The following PREPL variants were observed in gnomAD, a reference collection of about 807,000 sequenced individuals.
The protein encoded by PREPL is prolyl endopeptidase like, also known as prolyl endopeptidase-like.
A neutral mutation model predicts 70.6 loss-of-function variants in PREPL; 77 were observed. That is an observed-to-expected ratio of 1.09 (90% CI 0.91 to 1.32). The LOEUF (loss-of-function observed/expected upper bound fraction) is 1.32, where lower values mean the gene tolerates loss of function less well. Among genes scored for constraint, PREPL ranks in the 40% most tolerant of loss-of-function variants. PREPL has a pLI of 0.00. For synonymous variants in PREPL, 315 were observed against 264.8 expected (o/e 1.19, Z -1.84); for missense variants, 1,002 against 778.2 (o/e 1.29, Z -3.42).
At chr2:44,335,225 C>A (rs75783021) in intron 7 of PREPL, among the ~76,000 whole-genome samples, 7,884 of 152,078 alleles carry the variant, frequency 0.052, 261 homozygotes, top group South Asian at 0.14. Context: ...GAATTTAAAA[C>A]CATGGAAACT....
intron 9 of PREPL, among the ~76,000 whole-genome samples, chr2:44,328,386 G>A (rs1256438312): frequency 2.2e-5 from 3 of 135,006 alleles, no homozygotes; most frequent in East Asian, 2.2e-4. Flanking sequence ...GCAGTGAGCC[G>A]AGATTGTGCC....
intron 8 of PREPL, among the ~76,000 whole-genome samples, chr2:44,331,798 A>T (rs1170396924): frequency 6.6e-6 from 1 of 152,196 alleles, no homozygotes; most frequent in East Asian, 1.9e-4. Flanking sequence ...CAGGGACTGT[A>T]TCAGTCTAGT....
Position 44,326,813 on chromosome 2 carries a change from G to A in PREPL, c.1378C>T (p.Gln460Ter). Residue 460 changes from glutamine to a stop codon, truncating the protein, a stop_gained, in exon 10 of 14, where the codon CAG becomes TAG. Transcript: ENST00000409411. LOFTEE classifies it high-confidence loss of function. The stretch of plus-strand genomic sequence containing the variant: ...GCAGTCAGGGTTGTTAGACTTGGCT[G>A]AGAAAAGCCTTGGCCATGAAGCGTC... ...IKTLHGQGFSQPSLTTLTAFS... is the reference protein window; with the variant it reads ...IKTLHGQGFS 1 of 1,614,150 alleles carries A rather than the reference G, an allele frequency of 6.2e-7. No individual in the cohort carries two copies. The highest frequency in any genetic ancestry group is 8.5e-7 in the Non-Finnish European group (1 of 1,180,034).
chr2:44,334,284 A>T (rs982774026), intron 7 of PREPL, among the ~76,000 whole-genome samples: 1 of 152,230 alleles, frequency 6.6e-6, no homozygotes, highest in Admixed American at 6.5e-5. Flanking sequence ...GTTCAGTTTT[A>T]GCACTCTACC....
At chr2:44,332,707 C>A in intron 7 of PREPL, 51 bp from the exon 8 acceptor site, 1 of 1,408,126 alleles carries the variant, frequency 7.1e-7, no homozygotes, top group Admixed American at 2.2e-5. Context: ...CACCAAGTAT[C>A]ATTAATTAAA....
chr2:44,339,507 C>A, intron 5 of PREPL, 144 bp from the exon 6 acceptor site: 1 of 1,252,832 alleles, frequency 8.0e-7, no homozygotes, highest in Non-Finnish European at 1.1e-6. Context: ...GTGAATATCA[C>A]TTGTAACTTT....
Position 44,339,212 on chromosome 2 carries a change from A to G in PREPL, c.637T>C (p.Tyr213His). 3 of 1,614,102 alleles carry G rather than the reference A, an allele frequency of 1.9e-6. No homozygotes were observed. Among genetic ancestry groups the G allele is most frequent in the Non-Finnish European group, 2.5e-6 (3 of 1,179,964 alleles). Reference sequence around the variant, plus strand: ...AATTCATCATCTCTGTGTTCAACATAGTAAAGGACCCCATGTATTCGCTTC... The same window carrying G: ...AATTCATCATCTCTGTGTTCAACATGGTAAAGGACCCCATGTATTCGCTTC... ...IQKRIHGVLY[Y>H]VEHRDDELYI... The change falls in exon 6 of 14, where the codon TAT becomes CAT. Residue 213 changes from tyrosine to histidine, a missense_variant. Coordinates refer to ENST00000409411, the MANE Select transcript of PREPL (RefSeq NM_001171613.2).
At position 44,339,171 on chromosome 2, in the gene PREPL, A is replaced by G. The variant is rs760230836; in HGVS notation, c.678T>C (p.Asn226=). The change falls in exon 6 of 14, where the codon AAT becomes AAC. Residue 226 remains asparagine (N), a synonymous_variant. Coordinates refer to ENST00000409411, the MANE Select transcript of PREPL (RefSeq NM_001171613.2). ...HRDDELYILT[N]VGEPTEFKLM... ...CCTTAAATTCTGTAGGTTCTCCAAC[A>G]TTAGTGAGAATGTATAATTCATCAT... 4 of 1,614,038 alleles carry G rather than the reference A, an allele frequency of 2.5e-6. No individual in the cohort carries two copies. Among genetic ancestry groups the G allele is most frequent in the Non-Finnish European group, 3.4e-6 (4 of 1,179,922 alleles).
intron 1 of PREPL, among the ~76,000 whole-genome samples, chr2:44,357,073 T>A (rs1677127534): frequency 6.6e-6 from 1 of 152,254 alleles, no homozygotes; most frequent in Non-Finnish European, 1.5e-5. Flanking sequence ...CCCAATGTTC[T>A]GGGATTACTG....
intron 6 of PREPL, 152 bp from the exon 7 acceptor site, chr2:44,338,688 C>T (rs1464065091): frequency 1.4e-6 from 1 of 711,036 alleles, no homozygotes; most frequent in South Asian, 2.0e-5. Context: ...AAAGTGTGAC[C>T]ATCAACCATA....
chr2:44,340,613 T>A (rs2103944645), intron 5 of PREPL, among the ~76,000 whole-genome samples: 1 of 152,206 alleles, frequency 6.6e-6, no homozygotes, highest in South Asian at 2.1e-4. Flanking sequence ...AAATTATTAG[T>A]ATGTAAATAG....
intron 1 of PREPL, among the ~76,000 whole-genome samples, chr2:44,351,709 C>T (rs907652522): frequency 2.0e-5 from 3 of 152,192 alleles, no homozygotes; most frequent in African/African-American, 4.8e-5. Flanking sequence ...CCACTTCTCA[C>T]ACTTGGACTG....
rs1468087936 is a variant in PREPL, at chr2:44,320,402, A to C, written c.*954T>G. 1 of 1,614,032 alleles carries C rather than the reference A, an allele frequency of 6.2e-7. No individual in the cohort carries two copies. The highest frequency in any genetic ancestry group is 2.2e-5 in the East Asian group (1 of 44,884). ...TTGGAGAATCAACACTGTTAAATCT[A>C]CATAATATGATTTCGGGCCTTCCCG... On this transcript the variant is annotated 3_prime_UTR_variant, in exon 14 of 14. Coordinates refer to ENST00000409411, the MANE Select transcript of PREPL (RefSeq NM_001171613.2).
Position 44,359,677 on chromosome 2 carries a change from C to T in PREPL, c.-49+1703G>A, listed in dbSNP as rs1677452413. On this transcript the variant is annotated intron_variant, in intron 1 of 13. Transcript: ENST00000409411. The stretch of plus-strand genomic sequence containing the variant: ...ATTTTCCAAGGTGAGGAATACTATA[C>T]TTCAAAGCTTGGAGAAATAATTTGG... 5 of 1,613,238 alleles carry T rather than the reference C, an allele frequency of 3.1e-6. No homozygotes were observed. The South Asian group carries it at 3.3e-5, about 11-fold the overall frequency.
chr2:44,347,645 T>C (rs1473407428), intron 1 of PREPL, among the ~76,000 whole-genome samples: 4 of 152,220 alleles, frequency 2.6e-5, no homozygotes, highest in African/African-American at 9.6e-5. Context: ...TCCAGTGGTT[T>C]GCCTTGTTTA....
At chr2:44,342,591 A>G in intron 4 of PREPL, 39 bp from the exon 5 acceptor site, 1 of 1,315,994 alleles carries the variant, frequency 7.6e-7, no homozygotes, top group Non-Finnish European at 1.0e-6. Flanking sequence ...ATAATCACCT[A>G]CACTCCATTA....
At chr2:44,335,397 C>T (rs1316204403) in intron 7 of PREPL, among the ~76,000 whole-genome samples, 1 of 152,172 alleles carries the variant, frequency 6.6e-6, no homozygotes, top group African/African-American at 2.4e-5. Flanking sequence ...CATATTCTCT[C>T]CCATTCTTAT....
In PREPL at chr2:44,321,275, A is replaced by T. The variant is rs1672915890; in HGVS notation, c.*81T>A. ...ATAACTTAAAAGTCTCAAGTTATTA[A>T]TTTTTTTTTTGCTAACTCAATTGGA... On this transcript the variant is annotated 3_prime_UTR_variant, in exon 14 of 14. Coordinates refer to ENST00000409411, the MANE Select transcript of PREPL (RefSeq NM_001171613.2). 1.8e-6 allele frequency: 2 copies of T among 1,093,076 alleles called. No individual in the cohort carries two copies. The highest frequency in any genetic ancestry group is 2.6e-6 in the Non-Finnish European group (2 of 769,562). The allele number at this position is 1,093,076 out of a possible 1,614,324, so 67.7% of individuals were successfully genotyped here. A position where few individuals can be genotyped will look rare whatever the true frequency, so the allele number is the denominator to read the frequency against.
Position 44,338,000 on chromosome 2 carries a change from G to A in PREPL, c.888+351C>T, listed in dbSNP as rs111869189. Among the ~76,000 whole-genome samples the A allele has an allele frequency of 3.6e-3, 545 of 152,338 alleles. 2 individuals carry two copies. The highest frequency in any genetic ancestry group is 0.012 in the African/African-American group (506 of 41,574). On this transcript the variant is annotated intron_variant, in intron 7 of 13. Coordinates refer to ENST00000409411, the MANE Select transcript of PREPL (RefSeq NM_001171613.2). ...ATGTGGGATGGGGGAACAGCAGTCA[G>A]TGTTTAGGCACTAGCTACCAACTTT...
Sources: gnomAD v4.1 joint callset for allele counts (sites outside exome capture counted in the v4.1 genomes callset) on GRCh38, gnomAD v4.1.1 for gene constraint, MANE v1.5 for transcripts, NCBI Gene and HGNC (gene_info 2026-07-23, HGNC 2026-07-21) for gene names.